ICE2: variants seen among roughly 807,000 people sequenced by gnomAD.
ICE2 encodes little elongation complex subunit 2.
In ICE2, 87 loss-of-function variants were observed where a neutral mutation model predicts 105.4. That is an observed-to-expected ratio of 0.83 (90% CI 0.69 to 0.99). The LOEUF is 0.99. Ranked by LOEUF, ICE2 falls within the 50% of genes least tolerant of loss-of-function variation. ICE2 has a pLI of 0.00. For synonymous variants in ICE2, 399 were observed against 392.0 expected, an observed-to-expected ratio of 1.02 and a Z score of -0.21; for missense variants, 1,323 against 1,146.7, an observed-to-expected ratio of 1.15 and a Z score of -2.22.
intron 11 of ICE2, among the ~76,000 whole-genome samples, chr15:60,447,019 A>C (rs1395758732): frequency 6.6e-6 from 1 of 152,232 alleles, no homozygotes. Flanking sequence ...ACACACAAAA[A>C]AATGCAAACT....
chr15:60,431,976 T>C lies in ICE2; in HGVS notation c.2519A>G (p.Asn840Ser). The C allele has an allele frequency of 7.1e-7, 1 of 1,415,500 alleles. No individual in the cohort carries two copies. Among genetic ancestry groups the C allele is most frequent in the Non-Finnish European group, 9.8e-7 (1 of 1,016,090 alleles). 87.7% of individuals were successfully genotyped at this position (1,415,500 alleles called of 1,614,324 possible). A position where few individuals can be genotyped will look rare whatever the true frequency, so the allele number is the denominator to read the frequency against. Reference protein sequence around the residue: ...KEKLSALKISNLFNILQHILK... With the variant: ...KEKLSALKISSLFNILQHILK... Reference sequence around the variant, plus strand: ...AATGTGTTGGAGGATGTTAAATAAATTGGAAATCCTGATAAACAAAAGAAA... The same window carrying C: ...AATGTGTTGGAGGATGTTAAATAAACTGGAAATCCTGATAAACAAAAGAAA... The change falls in exon 14 of 16, where the codon AAT (asparagine) becomes AGT (serine). Residue 840 changes from asparagine (N) to serine (S), a missense_variant. Physicochemically the swap from Asn to Ser is conservative, Grantham distance 46 (BLOSUM62 1). Coordinates refer to ENST00000261520, the MANE Select transcript of ICE2 (RefSeq NM_024611.6).
At chr15:60,468,035 C>T in intron 4 of ICE2, 26 bp downstream of exon 4, 7 of 1,469,700 alleles carry the variant, frequency 4.8e-6, no homozygotes, top group East Asian at 2.4e-5. Flanking sequence ...TTATTTTTTC[C>T]TGAAACTGAA....
At chr15:60,472,041 A>G (rs766350653) in intron 3 of ICE2, among the ~76,000 whole-genome samples, 4 of 152,068 alleles carry the variant, frequency 2.6e-5, no homozygotes, top group Non-Finnish European at 4.4e-5. Context: ...ATCTGCAAAC[A>G]GAAACTTTAA....
chr15:60,473,859 A>G (rs1426305856), intron 3 of ICE2, among the ~76,000 whole-genome samples: 2 of 152,244 alleles, frequency 1.3e-5, no homozygotes, highest in African/African-American at 2.4e-5. Flanking sequence ...CACTTTGGCA[A>G]GAGGAAAGTT....
Position 60,453,740 on chromosome 15 carries a change from G to C in ICE2, c.988C>G (p.Gln330Glu). 8.1e-6 allele frequency: 13 copies of C among 1,600,382 alleles called. No homozygotes were observed. Among genetic ancestry groups the C allele is most frequent in the Non-Finnish European group, 1.1e-5 (13 of 1,167,652 alleles). ...KVIYINSPLP[Q>E]KKMTMRERNQ... ...CTCTCTCTCATAGTCATTTTCTTTT[G>C]GGGAAGTGGTGAATTAATATATATT... The change falls in exon 9 of 16, where the codon CAA becomes GAA. Residue 330 changes from glutamine to glutamate, a missense_variant. Coordinates refer to ENST00000261520, the MANE Select transcript of ICE2 (RefSeq NM_024611.6).
intron 12 of ICE2, among the ~76,000 whole-genome samples, chr15:60,437,485 C>T (rs1001132184): frequency 6.6e-6 from 1 of 151,456 alleles, no homozygotes; most frequent in Non-Finnish European, 1.5e-5. Flanking sequence ...GTGCCCACCA[C>T]CAGGCCTGGC....
chr15:60,450,369 C>G (rs2063937079), intron 9 of ICE2, among the ~76,000 whole-genome samples: 1 of 152,178 alleles, frequency 6.6e-6, no homozygotes, highest in South Asian at 2.1e-4. Context: ...GAAAACAACT[C>G]TTAGCAATAA....
intron 12 of ICE2, chr15:60,441,816 A>G (rs1298813595): frequency 6.6e-6 from 1 of 152,210 alleles, no homozygotes; most frequent in Non-Finnish European, 1.5e-5. Flanking sequence ...TAATCCCCAT[A>G]CCCCAGCAGA....
chr15:60,462,282 G>A (rs1177282445), intron 5 of ICE2, among the ~76,000 whole-genome samples: 1 of 152,086 alleles, frequency 6.6e-6, no homozygotes, highest in African/African-American at 2.4e-5. Context: ...CTGGGGTGGT[G>A]GGGAAAATGT....
At chr15:60,432,097 G>A in intron 13 of ICE2, 113 bp from the exon 14 acceptor site, 2 of 405,492 alleles carry the variant, frequency 4.9e-6, no homozygotes, top group Admixed American at 5.6e-5. Flanking sequence ...AACAGCGGAT[G>A]AGATAATGTA....
At chr15:60,427,966 C>A (rs2063373671) in intron 15 of ICE2, among the ~76,000 whole-genome samples, 1 of 152,162 alleles carries the variant, frequency 6.6e-6, no homozygotes, top group Non-Finnish European at 1.5e-5. Flanking sequence ...TTTAATTAGG[C>A]ACTCTGTTCA....
intron 12 of ICE2, chr15:60,438,599 A>G (rs1326424622): frequency 6.6e-6 from 1 of 152,252 alleles, no homozygotes; most frequent in Non-Finnish European, 1.5e-5. Flanking sequence ...CTTTGAGAAG[A>G]CTAATAGTTC....
chr15:60,439,075 C>T (rs917195304), intron 12 of ICE2: 3 of 152,192 alleles, frequency 2.0e-5, no homozygotes, highest in African/African-American at 7.2e-5. Context: ...TAGGTAGGTA[C>T]TCCTTGCTTT....
At chr15:60,462,055 A>G (rs889606094) in intron 5 of ICE2, among the ~76,000 whole-genome samples, 2 of 152,258 alleles carry the variant, frequency 1.3e-5, no homozygotes, top group Non-Finnish European at 2.9e-5. Flanking sequence ...ACATTGGAGA[A>G]TAAGAAGGAA....
intron 11 of ICE2, among the ~76,000 whole-genome samples, chr15:60,443,866 G>C (rs558508204): frequency 1.3e-5 from 2 of 151,944 alleles, no homozygotes; most frequent in African/African-American, 4.8e-5. Context: ...GGCTGAGGTG[G>C]GAAGATTACT....
intron 14 of ICE2, among the ~76,000 whole-genome samples, chr15:60,430,327 T>A (rs2063428435): frequency 6.6e-6 from 1 of 152,184 alleles, no homozygotes; most frequent in South Asian, 2.1e-4. Context: ...AAGGACTAGA[T>A]CCTTCCCAGA....
intron 15 of ICE2, among the ~76,000 whole-genome samples, chr15:60,425,268 TG>T (rs942808915): frequency 6.6e-6 from 1 of 152,214 alleles, no homozygotes; most frequent in Non-Finnish European, 1.5e-5. Context: ...TGTAATATAC[TG>T]ATTAGAAAAG....
At chr15:60,424,615 C>T (rs945924203) in intron 15 of ICE2, among the ~76,000 whole-genome samples, 1 of 152,194 alleles carries the variant, frequency 6.6e-6, no homozygotes, top group Non-Finnish European at 1.5e-5. Context: ...TCAAGCGATT[C>T]TCCTGACTCC....
intron 1 of ICE2, 102 bp from the exon 2 acceptor site, chr15:60,478,171 CTG>C (rs988482357): frequency 1.7e-6 from 1 of 600,172 alleles, no homozygotes; most frequent in East Asian, 2.8e-5. Context: ...CCTCAACAGA[CTG>C]TGGCACCTAA....
Sources: allele counts gnomAD v4.1 joint callset (sites outside exome capture counted in the v4.1 genomes callset), GRCh38; gene constraint gnomAD v4.1.1; transcripts MANE v1.5; gene names NCBI Gene and HGNC (gene_info 2026-07-23, HGNC 2026-07-21).